The following ZNF618 variants were observed in gnomAD, a reference collection of about 807,000 sequenced individuals.
The protein encoded by ZNF618 is neural precursor cell expressed, developmentally down-regulated 10.
In ZNF618, 34 loss-of-function variants were observed where a neutral mutation model predicts 103.0. The ratio of observed to expected loss-of-function variants is 0.33; its 90% CI spans 0.25 to 0.44. The LOEUF (loss-of-function observed/expected upper bound fraction) is 0.44, where lower values mean the gene tolerates loss of function less well. Ranked by LOEUF, ZNF618 falls within the 20% of genes least tolerant of loss-of-function variation. The pLI is 1.00. For synonymous variants in ZNF618, 551 were observed against 542.2 expected, an observed-to-expected ratio of 1.02 and a Z score of -0.23; for missense variants, 1,059 against 1,295.4, an observed-to-expected ratio of 0.82 and a Z score of 2.80.
intron 10 of ZNF618, among the ~76,000 whole-genome samples, chr9:114,021,485 A>T (rs1843059620): frequency 6.6e-6 from 1 of 152,112 alleles, no homozygotes; most frequent in African/African-American, 2.4e-5. Context: ...CAGTCCTAGG[A>T]TTAGCAGAAT....
At chr9:113,966,271 C>T (rs987307826) in intron 1 of ZNF618, among the ~76,000 whole-genome samples, 1 of 152,120 alleles carries the variant, frequency 6.6e-6, no homozygotes, top group Non-Finnish European at 1.5e-5. Flanking sequence ...GAAATCGAGG[C>T]CTTGGAAATA....
intron 1 of ZNF618, among the ~76,000 whole-genome samples, chr9:113,943,249 G>A (rs1047785186): frequency 6.6e-6 from 1 of 152,192 alleles, no homozygotes; most frequent in East Asian, 1.9e-4. Context: ...GATAGCCTGC[G>A]GTAAGTGCGA....
chr9:113,893,831 G>A (rs1829814035), intron 1 of ZNF618, among the ~76,000 whole-genome samples: 1 of 151,818 alleles, frequency 6.6e-6, no homozygotes. Context: ...ATTGGGTTAA[G>A]GGTACATATT....
intron 3 of ZNF618, 34 bp downstream of exon 3, chr9:113,988,614 C>A: frequency 6.3e-7 from 1 of 1,576,848 alleles, no homozygotes; most frequent in South Asian, 1.1e-5. Flanking sequence ...AGGGTGGAGA[C>A]CAGGGTGGGA....
chr9:113,939,039 C>T (rs867051961), intron 1 of ZNF618, among the ~76,000 whole-genome samples: 13 of 151,856 alleles, frequency 8.6e-5, no homozygotes, highest in Middle Eastern at 3.4e-3. Context: ...CCATTAATGG[C>T]ATGTTGGTTT....
intron 1 of ZNF618, among the ~76,000 whole-genome samples, chr9:113,924,371 G>A (rs987260689): frequency 4.0e-5 from 6 of 148,896 alleles, no homozygotes; most frequent in Admixed American, 6.7e-5. Context: ...TGATGACCCC[G>A]TTCGATTTCT....
chr9:113,910,447 T>A lies in ZNF618; in HGVS notation c.33+34034T>A, dbSNP rs543746737. 7.6e-4 allele frequency among the ~76,000 whole-genome samples: 116 copies of A among 152,314 alleles called. 1 individual carries two copies. The highest frequency in any genetic ancestry group is 2.1e-3 in the South Asian group (10 of 4,816). On this transcript the variant is annotated intron_variant, in intron 1 of 14. Coordinates refer to ENST00000374126, the MANE Select transcript of ZNF618 (RefSeq NM_001318042.2). Reference sequence around the variant, plus strand: ...AGCATCAGCTTCCGGGGCTTAGAAGTTCCTGGAAACAGTGACTTATTATTG... The same window carrying A: ...AGCATCAGCTTCCGGGGCTTAGAAGATCCTGGAAACAGTGACTTATTATTG...
At chr9:113,965,500 G>C (rs1357300415) in intron 1 of ZNF618, among the ~76,000 whole-genome samples, 2 of 152,074 alleles carry the variant, frequency 1.3e-5, no homozygotes, top group African/African-American at 2.4e-5. Context: ...CTTATTCGGG[G>C]CTGGAGGGCT....
intron 1 of ZNF618, among the ~76,000 whole-genome samples, chr9:113,905,950 T>A (rs2131343014): frequency 6.6e-6 from 1 of 152,248 alleles, no homozygotes; most frequent in South Asian, 2.1e-4. Context: ...TTTGCTTCCC[T>A]CTCTTAGGGT....
chr9:113,887,404 C>T (rs1376103055), intron 1 of ZNF618, among the ~76,000 whole-genome samples: 1 of 152,184 alleles, frequency 6.6e-6, no homozygotes, highest in African/African-American at 2.4e-5. Flanking sequence ...AAAAACAAAT[C>T]TAAAAGATAA....
chr9:113,907,037 AAG>A (rs1450894300), intron 1 of ZNF618, among the ~76,000 whole-genome samples: 2 of 152,246 alleles, frequency 1.3e-5, no homozygotes, highest in African/African-American at 2.4e-5. Context: ...TCCTGGAGGA[AAG>A]AGAGCATCTC....
intron 1 of ZNF618, among the ~76,000 whole-genome samples, chr9:113,917,235 CTTTTTTTTTTTT>C (rs56300784): frequency 0.089 from 6,695 of 75,130 alleles, 277 homozygotes; most frequent in African/African-American, 0.17. Flanking sequence ...TCTCTCTATC[CTTTTTTTTTTTT>C]TTTTTTTTTT....
intron 1 of ZNF618, among the ~76,000 whole-genome samples, chr9:113,950,770 A>T (rs1205292163): frequency 6.6e-6 from 1 of 152,074 alleles, no homozygotes; most frequent in African/African-American, 2.4e-5. Flanking sequence ...GCAGGGTGAG[A>T]TGGGAAGTGG....
intron 1 of ZNF618, among the ~76,000 whole-genome samples, chr9:113,954,121 T>C (rs1041574691): frequency 6.6e-6 from 1 of 152,140 alleles, no homozygotes; most frequent in Non-Finnish European, 1.5e-5. Context: ...TTGCCTTTTA[T>C]GATACTGTTC....
At chr9:113,910,078 C>T (rs185084904) in intron 1 of ZNF618, among the ~76,000 whole-genome samples, 1 of 152,180 alleles carries the variant, frequency 6.6e-6, no homozygotes, top group East Asian at 1.9e-4. Flanking sequence ...CCAGTGCGGC[C>T]AGCCTAGCCT....
intron 1 of ZNF618, among the ~76,000 whole-genome samples, chr9:113,926,355 T>G (rs1373769613): frequency 6.6e-6 from 1 of 152,050 alleles, no homozygotes; most frequent in East Asian, 1.9e-4. Flanking sequence ...GGATACAGTT[T>G]TTTTGGTTTT....
Position 114,049,673 on chromosome 9 carries a change from G to A in ZNF618, c.2371G>A (p.Ala791Thr), listed in dbSNP as rs930736645. 2 of 1,613,740 alleles carry A rather than the reference G, an allele frequency of 1.2e-6. No homozygotes were observed. Among genetic ancestry groups the A allele is most frequent in the African/African-American group, 2.7e-5 (2 of 74,944 alleles). Residue 791 changes from alanine (A) to threonine (T), a missense_variant, in exon 15 of 15, where the codon GCG (alanine) becomes ACG (threonine). By Grantham distance (58) the Ala-to-Thr change is moderately conservative (BLOSUM62 0). This residue lies in a region of ZNF618 where 272 missense variants were observed against 380.1 expected (regional missense o/e 0.72). Transcript: ENST00000374126. ...VSKLCHLFLE[A>T]LKENFKVHPA... ...CAAGCTCTGCCACCTCTTCCTGGAG[G>A]CGCTCAAGGAGAACTTCAAGGTGCA...
At chr9:113,990,848 G>A (rs1437476910) in intron 3 of ZNF618, among the ~76,000 whole-genome samples, 1 of 152,182 alleles carries the variant, frequency 6.6e-6, no homozygotes, top group African/African-American at 2.4e-5. Context: ...TGGAATGAGA[G>A]AGTGAGTCTT....
chr9:114,036,477 T>G, intron 13 of ZNF618, 100 bp downstream of exon 13: 1 of 1,268,180 alleles, frequency 7.9e-7, no homozygotes, highest in Non-Finnish European at 1.1e-6. Context: ...AAGGCCGCTC[T>G]TTCCTGGAAA....
Sources: allele counts gnomAD v4.1 joint callset (sites outside exome capture counted in the v4.1 genomes callset), GRCh38; gene constraint gnomAD v4.1.1; regional missense constraint gnomAD v4.1.1; transcripts MANE v1.5; gene names NCBI Gene and HGNC (gene_info 2026-07-23, HGNC 2026-07-21).